NIPAL2: variants seen among roughly 807,000 people sequenced by gnomAD.
The protein encoded by NIPAL2 is NIPA like domain containing 2, also known as NIPA-like protein 2.
A neutral mutation model predicts 48.9 loss-of-function variants in NIPAL2; 43 were observed. The ratio of observed to expected loss-of-function variants is 0.88; its 90% confidence interval spans 0.69 to 1.13. The LOEUF (loss-of-function observed/expected upper bound fraction) is 1.13. Ranked by LOEUF, NIPAL2 falls within the 50% of genes most tolerant of loss-of-function variation. The pLI is 0.00. For synonymous variants in NIPAL2, 167 were observed against 174.6 expected, an observed-to-expected ratio of 0.96 and a Z score of 0.34; for missense variants, 446 against 461.4, an observed-to-expected ratio of 0.97 and a Z score of 0.31.
At chr8:98,257,955 T>C (rs1162333891) in intron 1 of NIPAL2, among the ~76,000 whole-genome samples, 1 of 152,192 alleles carries the variant, frequency 6.6e-6, no homozygotes, top group Non-Finnish European at 1.5e-5. Flanking sequence ...CTAAAATGTA[T>C]AAAACCAAAC....
At chr8:98,280,502 C>A (rs562132442) in intron 1 of NIPAL2, among the ~76,000 whole-genome samples, 1 of 151,892 alleles carries the variant, frequency 6.6e-6, no homozygotes, top group South Asian at 2.1e-4. Flanking sequence ...GGCCTGTACA[C>A]ACCAGGGGAC....
intron 1 of NIPAL2, among the ~76,000 whole-genome samples, chr8:98,283,563 TATA>T (rs1471661526): frequency 7.9e-5 from 12 of 152,178 alleles, no homozygotes; most frequent in African/African-American, 2.9e-4. Context: ...ACATGTTTAT[TATA>T]ATAGTTTTAA....
intron 2 of NIPAL2, among the ~76,000 whole-genome samples, chr8:98,253,704 A>AAAGT (rs948548142): frequency 1.3e-4 from 20 of 152,168 alleles, no homozygotes; most frequent in East Asian, 9.6e-4. Context: ...GGAAGAAATC[A>AAAGT]AAGTACTGCA....
chr8:98,282,767 G>T (rs929107956), intron 1 of NIPAL2, among the ~76,000 whole-genome samples: 9 of 152,212 alleles, frequency 5.9e-5, no homozygotes, highest in African/African-American at 2.2e-4. Flanking sequence ...ATTACTGGGT[G>T]GGTTGTGCTA....
rs866478277 is a variant in NIPAL2 at position 98,236,282 on chromosome 8, A to G, written c.377-68T>C. On this transcript the variant is annotated intron_variant, in intron 3 of 10. Coordinates refer to ENST00000430223, the MANE Select transcript of NIPAL2 (RefSeq NM_001321635.2). The stretch of plus-strand genomic sequence containing the variant: ...TGTCTATTACGCAATGCCATTTGAA[A>G]GAAGTTAAGCAATTTGTGCCTTATG... 4.5e-6 allele frequency: 5 copies of G among 1,113,142 alleles called. No individual in the cohort carries two copies. In the Middle Eastern group the frequency reaches 1.0e-3, roughly 222 times the overall value. 69.0% of individuals were successfully genotyped at this position (1,113,142 alleles called of 1,614,324 possible). A position where few individuals can be genotyped will look rare whatever the true frequency, so the allele number is the denominator to read the frequency against.
chr8:98,190,901 A>C lies in NIPAL2; in HGVS notation c.*2077T>G, dbSNP rs1810280356. ...GACTGAGTTGGCTTTAGTTGTTGTC[A>C]TGCACTGTGTAATTTAAAAAATCTT... On this transcript the variant is annotated 3_prime_UTR_variant, in exon 11 of 11. Transcript: ENST00000430223. The C allele has an allele frequency of 6.6e-6, 1 of 152,228 alleles. No individual in the cohort carries two copies. Among genetic ancestry groups the C allele is most frequent in the Middle Eastern group, 3.2e-3 (1 of 316 alleles). 9.4% of individuals were successfully genotyped at this position (152,228 alleles called of 1,614,324 possible).
chr8:98,213,389 T>G (rs1213651219), intron 5 of NIPAL2, among the ~76,000 whole-genome samples: 3 of 152,234 alleles, frequency 2.0e-5, no homozygotes, highest in Non-Finnish European at 4.4e-5. Flanking sequence ...ATGTATTATA[T>G]TTGTGACATT....
At chr8:98,229,402 T>A (rs1812329574) in intron 4 of NIPAL2, among the ~76,000 whole-genome samples, 1 of 152,244 alleles carries the variant, frequency 6.6e-6, no homozygotes. Context: ...AGACACAGTC[T>A]CACTCTGTTA....
At chr8:98,248,968 T>G (rs989680917) in intron 3 of NIPAL2, among the ~76,000 whole-genome samples, 2 of 152,216 alleles carry the variant, frequency 1.3e-5, no homozygotes, top group Non-Finnish European at 2.9e-5. Flanking sequence ...ATAGACGGGT[T>G]ATTTAGGCTG....
At chr8:98,289,209 TC>T (rs1293967864) in intron 1 of NIPAL2, among the ~76,000 whole-genome samples, 1 of 152,234 alleles carries the variant, frequency 6.6e-6, no homozygotes, top group Non-Finnish European at 1.5e-5. Context: ...CCCCTTTTTT[TC>T]CTCATATAAA....
rs762122486 is a variant in NIPAL2, at chr8:98,205,206, C to G, written c.696G>C (p.Met232Ile). 6 of 1,613,660 alleles carry G rather than the reference C, an allele frequency of 3.7e-6. No homozygotes were observed. The highest frequency in any genetic ancestry group is 1.7e-6 in the Non-Finnish European group (2 of 1,179,828). The change falls in exon 7 of 11, where the codon ATG becomes ATC. Residue 232 changes from methionine to isoleucine, a missense_variant. Physicochemically the swap from Met to Ile is conservative, Grantham distance 10 (BLOSUM62 1). Transcript: ENST00000430223. The part of the protein sequence containing the change: ...TVISVKAVSG[M>I]ITFSVMDKMQ... ...TTTTATCCATCACAGAAAAAGTGATCATGCCTGAGACGGCCTTTACTGAAA... is the reference window on the plus strand; with the variant it reads ...TTTTATCCATCACAGAAAAAGTGATGATGCCTGAGACGGCCTTTACTGAAA...
rs533464868 is a variant in NIPAL2, at chr8:98,191,283, A to G, written c.*1695T>C. 14 of 152,340 alleles carry G rather than the reference A, an allele frequency of 9.2e-5. No homozygotes were observed. The highest frequency in any genetic ancestry group is 7.8e-4 in the Admixed American group (12 of 15,300). 9.4% of individuals were successfully genotyped at this position (152,340 alleles called of 1,614,324 possible). On this transcript the variant is annotated 3_prime_UTR_variant, in exon 11 of 11. Transcript: ENST00000430223. ...AGAAATCTGTAGTTTAAGGCACCAGATACATTTCTTGGCTGAGCCTTGTAG... is the reference window on the plus strand; with the variant it reads ...AGAAATCTGTAGTTTAAGGCACCAGGTACATTTCTTGGCTGAGCCTTGTAG...
rs1183158351 is a variant in NIPAL2 at position 98,191,543 on chromosome 8, G to C, written c.*1435C>G. The C allele has an allele frequency of 6.6e-6, 1 of 152,126 alleles. No homozygotes were observed. Among genetic ancestry groups the C allele is most frequent in the Non-Finnish European group, 1.5e-5 (1 of 68,032 alleles). The allele number at this position is 152,126 out of a possible 1,614,324, so 9.4% of individuals were successfully genotyped here. A position where few individuals can be genotyped will look rare whatever the true frequency, so the allele number is the denominator to read the frequency against. ...GACAAAGAACAAAGCTAAAAGACCT[G>C]AGCCATTAAGGTTACAGTCTCAATA... is the stretch of plus-strand genomic sequence containing the variant. On this transcript the variant is annotated 3_prime_UTR_variant, in exon 11 of 11. Coordinates refer to ENST00000430223, the MANE Select transcript of NIPAL2 (RefSeq NM_001321635.2).
Position 98,193,027 on chromosome 8 carries a change from T to A in NIPAL2, c.1103A>T (p.Asp368Val), listed in dbSNP as rs1288962269. 1 of 1,614,142 alleles carries A rather than the reference T, an allele frequency of 6.2e-7. No homozygotes were observed. The change falls in exon 11 of 11, where the codon GAT becomes GTT. Residue 368 changes from aspartate (D) to valine (V), a missense_variant. Asp to Val is a radical substitution (Grantham distance 152, BLOSUM62 -3). Coordinates refer to ENST00000430223, the MANE Select transcript of NIPAL2 (RefSeq NM_001321635.2). ...TTGGCTCTTTGTTGAGTCACTTCCA[T>A]CAGGCAAAGTTCCATAGGATAAGCT... ...SHSLSYGTLP[D>V]GSDSTKSQSG...
intron 5 of NIPAL2, chr8:98,217,337 C>CTT: frequency 1.1e-6 from 1 of 910,378 alleles, no homozygotes; most frequent in Non-Finnish European, 1.3e-6. Flanking sequence ...CCAGTGGGTG[C>CTT]CGCACTATTA....
intron 5 of NIPAL2, among the ~76,000 whole-genome samples, chr8:98,214,047 A>G (rs1235553822): frequency 6.6e-6 from 1 of 152,230 alleles, no homozygotes; most frequent in East Asian, 1.9e-4. Flanking sequence ...AGTTGCCAAA[A>G]AAGACCTAAT....
At chr8:98,249,503 C>T (rs578072286) in intron 3 of NIPAL2, among the ~76,000 whole-genome samples, 1 of 151,004 alleles carries the variant, frequency 6.6e-6, no homozygotes, top group Admixed American at 6.6e-5. Context: ...ACATACATGT[C>T]ATATATGTCA....
In NIPAL2 at chr8:98,222,529, C is replaced by T. The variant is rs772396589; in HGVS notation, c.508G>A (p.Ala170Thr). The part of the protein sequence containing the change: ...FAPNITQAIS[A>T]RTVQYYLVGW... ...ACAAGGTAATACTGTACTGTTCTTG[C>T]TGAGATTGCCTGAGTTATATTTGGA... The change falls in exon 5 of 11, where the codon GCA becomes ACA. Residue 170 changes from alanine (A) to threonine (T), a missense_variant. Physicochemically the swap from Ala to Thr is moderately conservative, Grantham distance 58. Coordinates refer to ENST00000430223, the MANE Select transcript of NIPAL2 (RefSeq NM_001321635.2). 3.1e-6 allele frequency: 5 copies of T among 1,613,910 alleles called. No homozygotes were observed. In the Admixed American group the frequency reaches 5.0e-5, roughly 16 times the overall value.
chr8:98,250,453 C>G (rs1178435010), intron 3 of NIPAL2, among the ~76,000 whole-genome samples: 1 of 152,122 alleles, frequency 6.6e-6, no homozygotes, highest in Non-Finnish European at 1.5e-5. Context: ...AGTCCCTCAC[C>G]CACCCACAAA....
Sources: allele counts gnomAD v4.1 joint callset (sites outside exome capture counted in the v4.1 genomes callset), GRCh38; gene constraint gnomAD v4.1.1; transcripts MANE v1.5; gene names NCBI Gene and HGNC (gene_info 2026-07-23, HGNC 2026-07-21).